Variants in SORCS3 observed in about 807,000 individuals in gnomAD.
SORCS3 encodes VPS10 domain-containing receptor SorCS3.
Under a neutral mutation model 146.3 loss-of-function variants are expected in SORCS3, and 57 were observed. The ratio of observed to expected loss-of-function variants is 0.39; its 90% confidence interval spans 0.31 to 0.49. The LOEUF is 0.49. Ranked by LOEUF, SORCS3 falls within the 20% of genes least tolerant of loss-of-function variation. The pLI, the probability that SORCS3 is intolerant of heterozygous loss-of-function variation, is 0.92. For missense variants in SORCS3, 1,341 were observed against 1,575.5 expected (o/e 0.85, Z 2.52); for synonymous variants, 653 against 618.5 (o/e 1.06, Z -0.83).
At chr10:104,786,222 C>CAAG (rs2017433954) in intron 1 of SORCS3, among the ~76,000 whole-genome samples, 1 of 151,416 alleles carries the variant, frequency 6.6e-6, no homozygotes, top group Non-Finnish European at 1.5e-5. Context: ...AGACAGTCTT[C>CAAG]CTTGATCTTG....
At chr10:104,756,473 A>G (rs914237202) in intron 1 of SORCS3, among the ~76,000 whole-genome samples, 10 of 152,206 alleles carry the variant, frequency 6.6e-5, no homozygotes, top group African/African-American at 2.4e-4. Context: ...TGGAGAGCTC[A>G]AAGAGTTCAG....
chr10:104,688,357 G>A (rs544814136), intron 1 of SORCS3, among the ~76,000 whole-genome samples: 2 of 152,220 alleles, frequency 1.3e-5, no homozygotes, highest in Non-Finnish European at 2.9e-5. Context: ...TGCGTGTGTG[G>A]GGGGGCAGTT....
intron 4 of SORCS3, among the ~76,000 whole-genome samples, chr10:105,020,085 G>A (rs916413167): frequency 2.6e-5 from 4 of 152,094 alleles, no homozygotes; most frequent in East Asian, 1.9e-4. Flanking sequence ...ACCAAGTGAC[G>A]AAACCAGAGC....
At chr10:104,932,334 A>G (rs894892759) in intron 3 of SORCS3, among the ~76,000 whole-genome samples, 2 of 152,162 alleles carry the variant, frequency 1.3e-5, no homozygotes, top group Admixed American at 6.5e-5. Flanking sequence ...TTGCATTTGA[A>G]TGTATGCATG....
chr10:104,714,877 T>C (rs1221015022), intron 1 of SORCS3, among the ~76,000 whole-genome samples: 1 of 152,180 alleles, frequency 6.6e-6, no homozygotes, highest in Non-Finnish European at 1.5e-5. Context: ...TGAGGGTAAC[T>C]TTCAATCAGA....
intron 13 of SORCS3, among the ~76,000 whole-genome samples, chr10:105,167,968 G>T (rs2056327897): frequency 6.6e-6 from 1 of 152,072 alleles, no homozygotes; most frequent in Non-Finnish European, 1.5e-5. Context: ...GGACTAAAGA[G>T]AAATGGCCAA....
At chr10:105,042,313 C>T (rs959251932) in intron 4 of SORCS3, among the ~76,000 whole-genome samples, 2 of 152,176 alleles carry the variant, frequency 1.3e-5, no homozygotes, top group Non-Finnish European at 2.9e-5. Flanking sequence ...TAATAACTGT[C>T]CTACCTTCCT....
At chr10:104,696,496 TATATATAATATATA>T (rs1392002317) in intron 1 of SORCS3, among the ~76,000 whole-genome samples, 31 of 22,150 alleles carry the variant, frequency 1.4e-3, no homozygotes, top group African/African-American at 3.9e-3. Flanking sequence ...TAATATATAA[TATATATAATATATA>T]ATATATAATA....
chr10:104,732,804 G>A (rs11192174), intron 1 of SORCS3, among the ~76,000 whole-genome samples: 1 of 152,154 alleles, frequency 6.6e-6, no homozygotes, highest in African/African-American at 2.4e-5. Flanking sequence ...ATTTAGCTGG[G>A]GAGCTTGTGT....
chr10:105,031,336 C>T (rs11591369), intron 4 of SORCS3, among the ~76,000 whole-genome samples: 1 of 84,910 alleles, frequency 1.2e-5, no homozygotes, highest in Admixed American at 9.9e-5. Context: ...CACACAAACA[C>T]ACACACACAC....
At chr10:105,199,861 C>G (rs989159570) in intron 14 of SORCS3, 138 bp from the exon 15 acceptor site, 7 of 655,494 alleles carry the variant, frequency 1.1e-5, no homozygotes, top group Non-Finnish European at 1.9e-5. Flanking sequence ...CTTAATGGCC[C>G]TCAAGGAACT....
intron 25 of SORCS3, among the ~76,000 whole-genome samples, chr10:105,259,818 TA>T (rs1210713926): frequency 2.0e-5 from 3 of 152,210 alleles, no homozygotes; most frequent in African/African-American, 7.2e-5. Flanking sequence ...AATAGATGGA[TA>T]AATAGATACA....
At chr10:104,889,292 T>G (rs1589537490) in intron 2 of SORCS3, among the ~76,000 whole-genome samples, 2 of 151,682 alleles carry the variant, frequency 1.3e-5, no homozygotes, top group East Asian at 3.9e-4. Context: ...CTTTTTTTTT[T>G]TTTTTTAAAT....
chr10:105,118,447 A>G (rs558236854), intron 7 of SORCS3, among the ~76,000 whole-genome samples: 1 of 152,338 alleles, frequency 6.6e-6, no homozygotes, highest in African/African-American at 2.4e-5. Flanking sequence ...CAGTGTGAGA[A>G]CAGACTAATA....
intron 23 of SORCS3, 77 bp downstream of exon 23, chr10:105,252,983 GA>G: frequency 6.5e-7 from 1 of 1,532,190 alleles, no homozygotes; most frequent in Non-Finnish European, 8.8e-7. Context: ...TTTTCAGCCA[GA>G]AAGGGAGACA....
intron 2 of SORCS3, among the ~76,000 whole-genome samples, chr10:104,870,662 G>C (rs748584197): frequency 6.6e-6 from 1 of 152,154 alleles, no homozygotes; most frequent in Non-Finnish European, 1.5e-5. Flanking sequence ...CAGGGGAGTG[G>C]AGGGAAGGAG....
chr10:104,810,651 T>G (rs2017729841), intron 1 of SORCS3, among the ~76,000 whole-genome samples: 1 of 152,208 alleles, frequency 6.6e-6, no homozygotes, highest in Non-Finnish European at 1.5e-5. Flanking sequence ...CTGTACATAG[T>G]CTTAGAAGTG....
intron 3 of SORCS3, among the ~76,000 whole-genome samples, chr10:104,934,281 G>T (rs2133613149): frequency 6.6e-6 from 1 of 152,314 alleles, no homozygotes; most frequent in East Asian, 1.9e-4. Flanking sequence ...TGATTCTACA[G>T]GTCTGGGAAA....
Position 105,067,058 on chromosome 10 carries a change from G to A in SORCS3, c.1029-22717G>A, listed in dbSNP as rs565836586. Among the ~76,000 whole-genome samples the A allele has an allele frequency of 9.9e-5, 15 of 152,134 alleles. No homozygotes were observed. In the South Asian group the frequency reaches 2.5e-3, roughly 25 times the overall value. On this transcript the variant is annotated intron_variant, in intron 5 of 26. Transcript: ENST00000369701. ...AGCTGTTAGGGGTTTTGCTTCATCC[G>A]TTAACTCTCTCTTGGTTCACTATCT... is the stretch of plus-strand genomic sequence containing the variant.
Sources: allele counts gnomAD v4.1 joint callset (sites outside exome capture counted in the v4.1 genomes callset), GRCh38; gene constraint gnomAD v4.1.1; transcripts MANE v1.5; gene names NCBI Gene and HGNC (gene_info 2026-07-23, HGNC 2026-07-21).